Variants in SEMA3C observed in about 807,000 individuals in gnomAD.
SEMA3C encodes the protein semaphorin 3C.
SEMA3C carries 47 observed loss-of-function variants against 89.4 expected under a neutral mutation model. The ratio of observed to expected loss-of-function variants is 0.53; its 90% CI spans 0.42 to 0.67. The LOEUF is 0.67. Among genes scored for constraint, SEMA3C ranks in the 30% least tolerant of loss-of-function variants. The pLI, the probability that SEMA3C is intolerant of heterozygous loss-of-function variation, is 0.00. For synonymous variants in SEMA3C, 310 were observed against 320.2 expected (o/e 0.97, Z 0.34); for missense variants, 839 against 929.1 (o/e 0.90, Z 1.26).
At chr7:80,805,786 G>A (rs1414896740) in intron 6 of SEMA3C, 28 bp from the exon 7 acceptor site, 10 of 1,542,284 alleles carry the variant, frequency 6.5e-6, no homozygotes, top group Non-Finnish European at 8.9e-6. Flanking sequence ...TCAATGAAAT[G>A]TAAATTTTTA....
chr7:80,891,702 C>T (rs1342727976), intron 2 of SEMA3C, among the ~76,000 whole-genome samples: 1 of 151,564 alleles, frequency 6.6e-6, no homozygotes, highest in African/African-American at 2.4e-5. Context: ...ATAGTCTAAC[C>T]CTTCCTGCTG....
chr7:80,853,404 G>T (rs1790562912), intron 2 of SEMA3C, among the ~76,000 whole-genome samples: 1 of 152,078 alleles, frequency 6.6e-6, no homozygotes, highest in Non-Finnish European at 1.5e-5. Flanking sequence ...AAGAAAATGT[G>T]GTACATATAC....
chr7:80,873,789 A>G (rs2116061861), intron 2 of SEMA3C, among the ~76,000 whole-genome samples: 1 of 152,288 alleles, frequency 6.6e-6, no homozygotes, highest in South Asian at 2.1e-4. Context: ...TGATACTCTC[A>G]TTTCCATTTT....
intron 4 of SEMA3C, 82 bp from the exon 5 acceptor site, chr7:80,818,500 G>A: frequency 6.9e-7 from 1 of 1,455,636 alleles, no homozygotes; most frequent in East Asian, 2.4e-5. Context: ...CTGAGATCTT[G>A]TATGATAAGT....
At chr7:80,895,708 T>C (rs192402408) in intron 2 of SEMA3C, among the ~76,000 whole-genome samples, 85 of 152,276 alleles carry the variant, frequency 5.6e-4, no homozygotes, top group African/African-American at 1.9e-3. Flanking sequence ...TGGAAACAAT[T>C]ATGAGCTTTA....
At chr7:80,851,220 C>A (rs1369718947) in intron 2 of SEMA3C, among the ~76,000 whole-genome samples, 1 of 151,932 alleles carries the variant, frequency 6.6e-6, no homozygotes, top group Non-Finnish European at 1.5e-5. Flanking sequence ...TGTAAGATGA[C>A]ATTCGGCCTG....
chr7:80,750,817 C>G (rs948687870), intron 16 of SEMA3C, among the ~76,000 whole-genome samples: 12 of 151,878 alleles, frequency 7.9e-5, no homozygotes, highest in Non-Finnish European at 1.5e-5. Context: ...ACGTGACTGG[C>G]AGTATGTTGC....
intron 4 of SEMA3C, among the ~76,000 whole-genome samples, chr7:80,819,776 G>A (rs747521726): frequency 6.6e-6 from 1 of 152,138 alleles, no homozygotes; most frequent in African/African-American, 2.4e-5. Flanking sequence ...CACAGAAACA[G>A]TCAGCCCTAG....
At chr7:80,843,186 T>A (rs1790310186) in intron 2 of SEMA3C, among the ~76,000 whole-genome samples, 6 of 152,112 alleles carry the variant, frequency 3.9e-5, no homozygotes, top group Admixed American at 3.9e-4. Context: ...TATTTCAAAG[T>A]AGCTAGAAGA....
At position 80,798,119 on chromosome 7, in the gene SEMA3C, G is replaced by T. The variant is rs774429156; in HGVS notation, c.1104C>A (p.Gly368=). ...TTCCAGGGCGAGGATATGGAATTCT[G>T]CCCTGATAGGAAATCAGCTGATGAT... The part of the protein sequence containing the change: ...GPNHQLISYQ[G]RIPYPRPGTC... The change falls in exon 11 of 18, where the codon GGC becomes GGA. Residue 368 remains glycine (G), a synonymous_variant. Transcript: ENST00000265361. The T allele has an allele frequency of 1.2e-6, 2 of 1,607,378 alleles. No individual in the cohort carries two copies. The highest frequency in any genetic ancestry group is 2.3e-5 in the East Asian group (1 of 44,418).
chr7:80,875,881 T>C (rs1461931243), intron 2 of SEMA3C, among the ~76,000 whole-genome samples: 1 of 151,910 alleles, frequency 6.6e-6, no homozygotes, highest in Non-Finnish European at 1.5e-5. Flanking sequence ...AAAAATTATA[T>C]GCTGAGATTG....
At chr7:80,858,737 C>T (rs1448999741) in intron 2 of SEMA3C, among the ~76,000 whole-genome samples, 1 of 152,100 alleles carries the variant, frequency 6.6e-6, no homozygotes, top group Non-Finnish European at 1.5e-5. Context: ...AAAATGCATA[C>T]ATATTAGAGG....
chr7:80,780,025 G>A (rs1788656676), intron 12 of SEMA3C, among the ~76,000 whole-genome samples: 1 of 152,134 alleles, frequency 6.6e-6, no homozygotes, highest in African/African-American at 2.4e-5. Context: ...AATGCAGCCT[G>A]GCTAAATTTT....
Position 80,863,804 on chromosome 7 carries a change from A to G in SEMA3C, c.104-35059T>C, listed in dbSNP as rs191375540. Among the ~76,000 whole-genome samples the G allele has an allele frequency of 2.5e-5, 3 of 122,090 alleles. No homozygotes were observed. The East Asian group carries it at 8.0e-4, about 33-fold the overall frequency. The allele number at this position is 122,090 out of a possible 152,430, so 80.1% of individuals were successfully genotyped here. On this transcript the variant is annotated intron_variant, in intron 2 of 17. Transcript: ENST00000265361. ...TATATAGTAGTATTCCATCTGATAT[A>G]TATGTGATACATATATATGTGATAT...
chr7:80,875,146 G>A (rs1478306916), intron 2 of SEMA3C, among the ~76,000 whole-genome samples: 1 of 139,640 alleles, frequency 7.2e-6, no homozygotes, highest in African/African-American at 3.2e-5. Flanking sequence ...TTCCTCATAG[G>A]TGAGGAATAA....
chr7:80,773,634 G>A (rs1466499124), intron 12 of SEMA3C, among the ~76,000 whole-genome samples: 1 of 152,174 alleles, frequency 6.6e-6, no homozygotes. Context: ...CTCAACAGAG[G>A]TTCAGAGAGC....
chr7:80,877,479 T>C (rs566285124), intron 2 of SEMA3C, among the ~76,000 whole-genome samples: 1 of 152,260 alleles, frequency 6.6e-6, no homozygotes, highest in South Asian at 2.1e-4. Context: ...AAAAAATTAA[T>C]CTCTGTAAAG....
chr7:80,819,259 C>G (rs1260837769), intron 4 of SEMA3C, among the ~76,000 whole-genome samples: 1 of 152,058 alleles, frequency 6.6e-6, no homozygotes, highest in African/African-American at 2.4e-5. Flanking sequence ...TGATTTATTT[C>G]AAGAGAAATA....
At chr7:80,799,934 G>A (rs1789158360) in intron 10 of SEMA3C, among the ~76,000 whole-genome samples, 1 of 151,210 alleles carries the variant, frequency 6.6e-6, no homozygotes, top group Non-Finnish European at 1.5e-5. Flanking sequence ...GGCGGATCAC[G>A]AGGTCAGGAG....
Sources: allele counts gnomAD v4.1 joint callset (sites outside exome capture counted in the v4.1 genomes callset), GRCh38; gene constraint gnomAD v4.1.1; transcripts MANE v1.5; gene names NCBI Gene and HGNC (gene_info 2026-07-23, HGNC 2026-07-21).